The following TEX2 variants were observed in gnomAD, a reference collection of about 807,000 sequenced individuals.
The protein encoded by TEX2 is testis-expressed protein 2.
TEX2 carries 53 observed loss-of-function variants against 106.9 expected under a neutral mutation model. The observed-to-expected ratio is 0.50, with a 90% CI of 0.40 to 0.62. The LOEUF (loss-of-function observed/expected upper bound fraction) is 0.62, where lower values mean the gene tolerates loss of function less well. TEX2 is among the 20% of genes least tolerant of loss of function. TEX2 has a pLI of 0.00. For synonymous variants in TEX2, 523 were observed against 534.8 expected (o/e 0.98, Z 0.30); for missense variants, 1,207 against 1,379.0 (o/e 0.88, Z 1.98).
chr17:64,239,610 T>A (rs2033842562), intron 1 of TEX2, among the ~76,000 whole-genome samples: 1 of 152,076 alleles, frequency 6.6e-6, no homozygotes, highest in South Asian at 2.1e-4. Flanking sequence ...GCATGGCGGC[T>A]CACACCTGTA....
intron 5 of TEX2, among the ~76,000 whole-genome samples, chr17:64,187,072 C>T (rs993211275): frequency 5.9e-5 from 9 of 152,162 alleles, no homozygotes; most frequent in Admixed American, 2.6e-4. Flanking sequence ...TCAGTTTCTC[C>T]GCTTACAAAA....
At chr17:64,258,554 T>C (rs890655868) in intron 1 of TEX2, among the ~76,000 whole-genome samples, 2 of 152,208 alleles carry the variant, frequency 1.3e-5, no homozygotes, top group Non-Finnish European at 2.9e-5. Flanking sequence ...CCGTAAATGA[T>C]AGTTACTCAC....
At chr17:64,247,315 G>A (rs1489730213) in intron 1 of TEX2, among the ~76,000 whole-genome samples, 2 of 151,816 alleles carry the variant, frequency 1.3e-5, no homozygotes, top group East Asian at 3.9e-4. Flanking sequence ...GAAGAAGGCA[G>A]AGGAGGAAGA....
At chr17:64,199,267 C>T (rs1002733502) in intron 2 of TEX2, among the ~76,000 whole-genome samples, 9 of 152,136 alleles carry the variant, frequency 5.9e-5, no homozygotes, top group African/African-American at 1.9e-4. Flanking sequence ...GATGGAGTCT[C>T]GCTCTGTTGC....
At chr17:64,227,035 G>C (rs1598205402) in intron 1 of TEX2, among the ~76,000 whole-genome samples, 1 of 151,846 alleles carries the variant, frequency 6.6e-6, no homozygotes, top group Admixed American at 6.6e-5. Context: ...AGACCATCTG[G>C]GCCAACATGG....
At chr17:64,224,069 AC>A (rs1308425785) in intron 1 of TEX2, among the ~76,000 whole-genome samples, 28 of 152,228 alleles carry the variant, frequency 1.8e-4, no homozygotes, top group African/African-American at 6.3e-4. Flanking sequence ...GGCATTTGCT[AC>A]CTCTGAACAA....
intron 5 of TEX2, among the ~76,000 whole-genome samples, chr17:64,179,684 G>A (rs1252325512): frequency 6.6e-6 from 1 of 151,942 alleles, no homozygotes; most frequent in Non-Finnish European, 1.5e-5. Context: ...TCAATCACAT[G>A]TCACTGCATG....
rs151273623 is a variant in TEX2 at position 64,170,793 on chromosome 17, C to T, written c.2671+307G>A. On this transcript the variant is annotated intron_variant, in intron 7 of 11. Transcript: ENST00000584379. ...GATTACAGGCACCCGCCACCACGCC[C>T]GACTAATTTTTGTACTTTTTTAGTA... is the stretch of plus-strand genomic sequence containing the variant. Among the ~76,000 whole-genome samples, 347 of 152,064 alleles carry T rather than the reference C, an allele frequency of 2.3e-3. 2 individuals carry two copies. Among genetic ancestry groups the T allele is most frequent in the African/African-American group, 7.8e-3 (323 of 41,482 alleles).
intron 8 of TEX2, chr17:64,155,987 A>T (rs1269564919): frequency 6.6e-6 from 1 of 152,260 alleles, no homozygotes; most frequent in African/African-American, 2.4e-5. Context: ...ATGGTCACCA[A>T]GCAGAGGCTG....
At chr17:64,241,276 G>A (rs575176717) in intron 1 of TEX2, among the ~76,000 whole-genome samples, 1 of 152,358 alleles carries the variant, frequency 6.6e-6, no homozygotes, top group South Asian at 2.1e-4. Context: ...GCAGGAAGAT[G>A]CTCAGTTCTG....
intron 1 of TEX2, among the ~76,000 whole-genome samples, chr17:64,236,131 A>G (rs1001509848): frequency 1.3e-5 from 2 of 152,172 alleles, no homozygotes; most frequent in African/African-American, 4.8e-5. Flanking sequence ...ACATCCGCAG[A>G]TTCAACCAAC....
chr17:64,232,317 T>G (rs1229236669), intron 1 of TEX2, among the ~76,000 whole-genome samples: 3 of 152,162 alleles, frequency 2.0e-5, no homozygotes, highest in Non-Finnish European at 2.9e-5. Flanking sequence ...GATCTGTAGT[T>G]TCATCAACCT....
At chr17:64,203,375 G>A (rs1209287009) in intron 2 of TEX2, among the ~76,000 whole-genome samples, 1 of 152,248 alleles carries the variant, frequency 6.6e-6, no homozygotes, top group East Asian at 1.9e-4. Flanking sequence ...CAAGAATAGA[G>A]CCAGGGCCTG....
rs530692661 is a variant in TEX2, at chr17:64,204,763, A to C, written c.1644+7811T>G. 8.1e-4 allele frequency among the ~76,000 whole-genome samples: 124 copies of C among 152,338 alleles called. 2 individuals are homozygous for C. The highest frequency in any genetic ancestry group is 7.9e-3 in the South Asian group (38 of 4,834). On this transcript the variant is annotated intron_variant, in intron 2 of 11. Transcript: ENST00000584379. ...TTATTGAACAATAATTACAATAAGAATCTTCGATGTTTTTGCTACTTTTCT... is the reference window on the plus strand; with the variant it reads ...TTATTGAACAATAATTACAATAAGACTCTTCGATGTTTTTGCTACTTTTCT...
At chr17:64,161,110 G>C (rs1206110811) in intron 7 of TEX2, among the ~76,000 whole-genome samples, 177 bp from the exon 8 acceptor site, 1 of 152,186 alleles carries the variant, frequency 6.6e-6, no homozygotes, top group African/African-American at 2.4e-5. Flanking sequence ...CACGAGAACA[G>C]GTCATGGAAT....
chr17:64,208,484 C>T (rs1367822487), intron 2 of TEX2, among the ~76,000 whole-genome samples: 1 of 151,438 alleles, frequency 6.6e-6, no homozygotes, highest in Non-Finnish European at 1.5e-5. Flanking sequence ...AAGCAATCCT[C>T]TGCCTTGGCC....
At chr17:64,240,198 T>C (rs2033860185) in intron 1 of TEX2, among the ~76,000 whole-genome samples, 1 of 152,040 alleles carries the variant, frequency 6.6e-6, no homozygotes, top group South Asian at 2.1e-4. Flanking sequence ...ATGATCTTTA[T>C]ATATACAGAT....
chr17:64,200,183 CA>C (rs113341903), intron 2 of TEX2, among the ~76,000 whole-genome samples: 2,002 of 152,248 alleles, frequency 0.013, 45 homozygotes, highest in African/African-American at 0.045. Flanking sequence ...ACAAACATAT[CA>C]TTTTTTTAGC....
chr17:64,150,805 C>G (rs751130311), intron 11 of TEX2, 36 bp downstream of exon 11: 1 of 1,590,770 alleles, frequency 6.3e-7, no homozygotes, highest in Admixed American at 1.8e-5. Flanking sequence ...AGCTTCTATA[C>G]TTGGTGTGAA....
Sources: gnomAD v4.1 joint callset for allele counts (sites outside exome capture counted in the v4.1 genomes callset) on GRCh38, gnomAD v4.1.1 for gene constraint, MANE v1.5 for transcripts, NCBI Gene and HGNC (gene_info 2026-07-23, HGNC 2026-07-21) for gene names.